Variants in LDLRAP1 observed in about 807,000 individuals in gnomAD.
LDLRAP1 encodes low density lipoprotein receptor adaptor protein 1, also known as low density lipoprotein receptor adapter protein 1.
In LDLRAP1, 30 loss-of-function variants were observed where a neutral mutation model predicts 37.8. The ratio of observed to expected loss-of-function variants is 0.79; its 90% CI spans 0.59 to 1.08. The LOEUF (loss-of-function observed/expected upper bound fraction) is 1.08. Ranked by LOEUF, LDLRAP1 falls within the 50% of genes least tolerant of loss-of-function variation. The pLI, the probability that LDLRAP1 is intolerant of heterozygous loss-of-function variation, is 0.00. For missense variants in LDLRAP1, 375 were observed against 401.6 expected (o/e 0.93, Z 0.57); for synonymous variants, 156 against 169.8 (o/e 0.92, Z 0.63).
chr1:25,566,756 C>A (rs1557712849), intron 8 of LDLRAP1, 92 bp from the exon 9 acceptor site: 1 of 1,491,746 alleles, frequency 6.7e-7, no homozygotes, highest in Non-Finnish European at 9.1e-7. Context: ...GGCCATGTGC[C>A]CTGCTGTTCC....
intron 1 of LDLRAP1, 43 bp downstream of exon 1, chr1:25,543,829 G>A (rs899948257): frequency 1.1e-4 from 134 of 1,174,926 alleles, no homozygotes; most frequent in Non-Finnish European, 1.4e-4. Flanking sequence ...GGATCGGGCA[G>A]AGGCGCGCGG....
At chr1:25,583,027 G>T in the LDLRAP1 span, among the ~76,000 whole-genome samples, 1 of 151,614 alleles carries the variant, frequency 6.6e-6, no homozygotes, top group Non-Finnish European at 1.5e-5. Context: ...AGCCGAGATC[G>T]TGCCACTGCA....
intron 4 of LDLRAP1, among the ~76,000 whole-genome samples, chr1:25,558,450 C>T (rs2044262576): frequency 6.6e-6 from 1 of 152,200 alleles, no homozygotes; most frequent in African/African-American, 2.4e-5. Flanking sequence ...AATGTATTCT[C>T]TTATGGAGAA....
At chr1:25,561,197 C>T (rs2044334566) in intron 4 of LDLRAP1, among the ~76,000 whole-genome samples, 1 of 152,172 alleles carries the variant, frequency 6.6e-6, no homozygotes. Context: ...ATTTTTAGTT[C>T]ATGGGCAATT....
chr1:25,573,773 C>T (rs2044636280), downstream of LDLRAP1, among the ~76,000 whole-genome samples: 2 of 152,188 alleles, frequency 1.3e-5, no homozygotes, highest in Non-Finnish European at 2.9e-5. Flanking sequence ...TAGGACAGCA[C>T]CCCGGGGCTA....
At chr1:25,577,093 C>T in the LDLRAP1 span, among the ~76,000 whole-genome samples, 1 of 152,258 alleles carries the variant, frequency 6.6e-6, no homozygotes, top group Non-Finnish European at 1.5e-5. Flanking sequence ...GACCCTGTGC[C>T]ATCCCCGCAT....
chr1:25,587,744 C>T, the LDLRAP1 span, among the ~76,000 whole-genome samples: 3 of 152,036 alleles, frequency 2.0e-5, no homozygotes, highest in Non-Finnish European at 2.9e-5. Context: ...CTGCTATCCA[C>T]GGTGGGAGTG....
Position 25,554,156 on chromosome 1 carries a change from G to A in LDLRAP1, c.231+92G>A, listed in dbSNP as rs934678833. ...CTCGTCCCAGCTTGTTACTCCAGTT[G>A]GGTGTGTCTGAGCCTGGCCCTGCCC... On this transcript the variant is annotated intron_variant, in intron 2 of 8. Coordinates refer to ENST00000374338, the MANE Select transcript of LDLRAP1 (RefSeq NM_015627.3). This position sits in a 1 kb window ranked among gnomAD's most constrained non-coding sequence, Gnocchi z 5.4. The A allele has an allele frequency of 6.6e-6, 10 of 1,507,010 alleles. No individual in the cohort carries two copies. Among genetic ancestry groups the A allele is most frequent in the African/African-American group, 1.4e-5 (1 of 73,180 alleles). 93.4% of individuals were successfully genotyped at this position (1,507,010 alleles called of 1,614,324 possible).
chr1:25,565,251 G>C (rs1343835799), intron 8 of LDLRAP1, 44 bp downstream of exon 8: 1 of 1,610,000 alleles, frequency 6.2e-7, no homozygotes, highest in East Asian at 2.2e-5. Flanking sequence ...TGGTGTGCGT[G>C]GGCTGGCCCT....
At chr1:25,565,460 C>A (rs1322673532) in intron 8 of LDLRAP1, among the ~76,000 whole-genome samples, 1 of 152,094 alleles carries the variant, frequency 6.6e-6, no homozygotes, top group South Asian at 2.1e-4. Context: ...GGTGGCTGCT[C>A]TGCCGCAGTC....
intron 4 of LDLRAP1, 75 bp downstream of exon 4, chr1:25,557,342 G>A: frequency 4.2e-6 from 5 of 1,180,584 alleles, no homozygotes; most frequent in Non-Finnish European, 6.3e-6. Context: ...GGGCTGTCTG[G>A]TGTGGGAGGC....
rs911886403 is a variant in LDLRAP1 at position 25,544,273 on chromosome 1, C to T, written c.88+487C>T. Among the ~76,000 whole-genome samples, 4 of 152,152 alleles carry T rather than the reference C, an allele frequency of 2.6e-5. No individual in the cohort carries two copies. Among genetic ancestry groups the T allele is most frequent in the Non-Finnish European group, 5.9e-5 (4 of 68,000 alleles). On this transcript the variant is annotated intron_variant, in intron 1 of 8. Coordinates refer to ENST00000374338, the MANE Select transcript of LDLRAP1 (RefSeq NM_015627.3). This position sits in a 1 kb window ranked among gnomAD's most constrained non-coding sequence, Gnocchi z 4.8. ...CTGGCCCGTTCTCCCGCCCCCTGCC[C>T]GACCCACCGGGCCAACTTTTGACTC...
At chr1:25,551,408 A>T (rs2044068467) in intron 1 of LDLRAP1, among the ~76,000 whole-genome samples, 6 of 152,258 alleles carry the variant, frequency 3.9e-5, no homozygotes, top group Admixed American at 3.9e-4. Context: ...CTTGGGCTTT[A>T]GAGTCAGTCC....
chr1:25,556,263 C>T (rs982196527), intron 3 of LDLRAP1, among the ~76,000 whole-genome samples: 1 of 152,120 alleles, frequency 6.6e-6, no homozygotes, highest in African/African-American at 2.4e-5. Context: ...CCGATTGAGA[C>T]TCTGAGGCTG....
intron 6 of LDLRAP1, 66 bp downstream of exon 6, chr1:25,563,219 C>A: frequency 7.5e-7 from 1 of 1,338,590 alleles, no homozygotes; most frequent in Non-Finnish European, 1.1e-6. Context: ...CCAGGGGGGT[C>A]CCACTCCTGC....
intron 1 of LDLRAP1, among the ~76,000 whole-genome samples, chr1:25,549,747 G>GGGCGGGT (rs146654671): frequency 6.6e-6 from 1 of 152,006 alleles, no homozygotes; most frequent in Non-Finnish European, 1.5e-5. Context: ...CTGGCGAGTA[G>GGGCGGGT]GGCGGGTGGC....
the LDLRAP1 span, among the ~76,000 whole-genome samples, chr1:25,575,379 A>T: frequency 9.3e-5 from 14 of 150,996 alleles, no homozygotes; most frequent in South Asian, 2.7e-3. Flanking sequence ...AGAGTCCGGA[A>T]ATTTGAGACC....
At chr1:25,589,012 A>G in the LDLRAP1 span, among the ~76,000 whole-genome samples, 1 of 152,236 alleles carries the variant, frequency 6.6e-6, no homozygotes, top group South Asian at 2.1e-4. Context: ...TCCTCTAAGA[A>G]GTCTTCCTGG....
rs2043890725 is a variant in LDLRAP1 at position 25,544,692 on chromosome 1, G to A, written c.88+906G>A. Among the ~76,000 whole-genome samples the A allele has an allele frequency of 6.6e-6, 1 of 151,932 alleles. No homozygotes were observed. The highest frequency in any genetic ancestry group is 1.5e-5 in the Non-Finnish European group (1 of 68,018). ...GACCCAGCCTAGCGCAGGTCTCGTTGTTTGGGAGGGAGAAGAGAGTGGCTT... is the reference window on the plus strand; with the variant it reads ...GACCCAGCCTAGCGCAGGTCTCGTTATTTGGGAGGGAGAAGAGAGTGGCTT... On this transcript the variant is annotated intron_variant, in intron 1 of 8. Transcript: ENST00000374338. This position sits in a 1 kb window ranked among gnomAD's most constrained non-coding sequence, Gnocchi z 4.8.
Sources: allele counts gnomAD v4.1 joint callset (sites outside exome capture counted in the v4.1 genomes callset), GRCh38; gene constraint gnomAD v4.1.1; non-coding constraint Gnocchi (gnomAD v3.1); transcripts MANE v1.5; gene names NCBI Gene and HGNC (gene_info 2026-07-23, HGNC 2026-07-21).